Variants in RNF122 observed in about 807,000 individuals in gnomAD.
RNF122 encodes ring finger protein 122.
RNF122 carries 17 observed loss-of-function variants against 24.2 expected under a neutral mutation model. The ratio of observed to expected loss-of-function variants is 0.70; its 90% CI spans 0.48 to 1.06. RNF122 has a LOEUF of 1.06. Among genes scored for constraint, RNF122 ranks in the 50% least tolerant of loss-of-function variants. RNF122 has a pLI of 0.00. For missense variants in RNF122, 168 were observed against 198.1 expected, an observed-to-expected ratio of 0.85 and a Z score of 0.91; for synonymous variants, 65 against 71.8, an observed-to-expected ratio of 0.91 and a Z score of 0.48.
intron 4 of RNF122, among the ~76,000 whole-genome samples, chr8:33,550,515 T>C (rs1448494608): frequency 6.6e-6 from 1 of 151,822 alleles, no homozygotes; most frequent in African/African-American, 2.4e-5. Context: ...AGGAAAGGAA[T>C]AGGATATGAC....
At chr8:33,561,212 T>C (rs962313365) in intron 1 of RNF122, among the ~76,000 whole-genome samples, 8 of 152,090 alleles carry the variant, frequency 5.3e-5, no homozygotes, top group African/African-American at 1.9e-4. Context: ...AGGCCTTGGG[T>C]TCTAGGCACT....
chr8:33,564,707 T>C (rs1810595117), intron 1 of RNF122, among the ~76,000 whole-genome samples: 1 of 151,986 alleles, frequency 6.6e-6, no homozygotes, highest in African/African-American at 2.4e-5. Flanking sequence ...ACCCCCTCTC[T>C]ACTAAAAATA....
chr8:33,553,377 AG>A, intron 2 of RNF122, among the ~76,000 whole-genome samples: 1 of 152,182 alleles, frequency 6.6e-6, no homozygotes, highest in East Asian at 1.9e-4. Flanking sequence ...TGGGTGACAC[AG>A]TGAGAACTTG....
chr8:33,553,684 G>A (rs532477704), intron 2 of RNF122, among the ~76,000 whole-genome samples: 1 of 152,256 alleles, frequency 6.6e-6, no homozygotes. Flanking sequence ...CCAGTGGAAG[G>A]GGGTGGGGTG....
At chr8:33,562,949 G>A (rs1342581910) in intron 1 of RNF122, among the ~76,000 whole-genome samples, 1 of 151,804 alleles carries the variant, frequency 6.6e-6, no homozygotes, top group African/African-American at 2.4e-5. Context: ...AAAAAACCTG[G>A]GCATGGTGGT....
At chr8:33,559,082 T>G (rs1346652023) in intron 1 of RNF122, among the ~76,000 whole-genome samples, 2 of 151,880 alleles carry the variant, frequency 1.3e-5, no homozygotes, top group African/African-American at 2.4e-5. Context: ...AGGCAGGTGA[T>G]CTCGAGGCCA....
intron 1 of RNF122, among the ~76,000 whole-genome samples, chr8:33,560,144 G>A (rs886552616): frequency 4.7e-4 from 72 of 151,942 alleles, no homozygotes; most frequent in African/African-American, 1.6e-3. Flanking sequence ...ACCTAGCCAG[G>A]ACCTACGTTT....
chr8:33,555,275 T>C (rs1236077330), intron 2 of RNF122, among the ~76,000 whole-genome samples: 1 of 152,134 alleles, frequency 6.6e-6, no homozygotes, highest in Non-Finnish European at 1.5e-5. Flanking sequence ...TGATCTTAGC[T>C]CACTGCAACC....
chr8:33,561,023 C>T (rs1041622215), intron 1 of RNF122, among the ~76,000 whole-genome samples: 1 of 151,962 alleles, frequency 6.6e-6, no homozygotes, highest in Non-Finnish European at 1.5e-5. Flanking sequence ...AAAGGGAGAG[C>T]TGGAATTTGC....
chr8:33,558,884 A>G (rs1424658937), intron 1 of RNF122, 113 bp from the exon 2 acceptor site: 1 of 686,984 alleles, frequency 1.5e-6, no homozygotes, highest in Non-Finnish European at 2.3e-6. Context: ...TAAGCCTCAG[A>G]TTCAGTGGCT....
At chr8:33,560,594 C>T (rs1251884673) in intron 1 of RNF122, among the ~76,000 whole-genome samples, 1 of 151,774 alleles carries the variant, frequency 6.6e-6, no homozygotes. Context: ...TCAGAGACAC[C>T]TAGAATTGTG....
chr8:33,566,499 G>A (rs572193236), intron 1 of RNF122, among the ~76,000 whole-genome samples, 200 bp downstream of exon 1: 130 of 152,298 alleles, frequency 8.5e-4, no homozygotes, highest in African/African-American at 3.0e-3. Context: ...CCCCTTCCAG[G>A]CTCTGGAGTG....
chr8:33,559,311 T>C lies in RNF122; in HGVS notation c.26-540A>G, dbSNP rs542830092. Among the ~76,000 whole-genome samples the C allele has an allele frequency of 9.1e-4, 84 of 92,478 alleles. 1 individual carries two copies. Among genetic ancestry groups the C allele is most frequent in the Non-Finnish European group, 6.3e-5 (3 of 47,890 alleles). 60.7% of individuals were successfully genotyped at this position (92,478 alleles called of 152,430 possible). A position where few individuals can be genotyped will look rare whatever the true frequency, so the allele number is the denominator to read the frequency against. The stretch of plus-strand genomic sequence containing the variant: ...ACAGCGTGAGACCCAATCTCTATTT[T>C]TAAAAATTAAAAAAAAAAAAGAATT... On this transcript the variant is annotated intron_variant, in intron 1 of 5. Coordinates refer to ENST00000256257, the MANE Select transcript of RNF122 (RefSeq NM_024787.3).
chr8:33,551,833 G>A (rs544253212), intron 2 of RNF122, among the ~76,000 whole-genome samples: 7 of 152,250 alleles, frequency 4.6e-5, no homozygotes, highest in South Asian at 2.1e-4. Context: ...TTTTCCACCC[G>A]GAGAACATAA....
chr8:33,564,336 C>T (rs192774052), intron 1 of RNF122, among the ~76,000 whole-genome samples: 38 of 152,102 alleles, frequency 2.5e-4, no homozygotes, highest in African/African-American at 8.9e-4. Context: ...CTGCTTGAGC[C>T]CAGGAGTTCA....
intron 1 of RNF122, 77 bp downstream of exon 1, chr8:33,566,622 C>T (rs1268338444): frequency 6.8e-7 from 1 of 1,461,276 alleles, no homozygotes; most frequent in Non-Finnish European, 9.4e-7. Flanking sequence ...GACCAGCGCG[C>T]TGCTGTCCGA....
chr8:33,550,282 C>G (rs573904170), intron 4 of RNF122, among the ~76,000 whole-genome samples: 3 of 152,250 alleles, frequency 2.0e-5, no homozygotes, highest in African/African-American at 7.2e-5. Context: ...ATATTAACTC[C>G]CTTGATCTCA....
intron 3 of RNF122, 72 bp from the exon 4 acceptor site, chr8:33,551,157 A>T (rs1482476096): frequency 6.4e-7 from 1 of 1,551,760 alleles, no homozygotes; most frequent in African/African-American, 1.4e-5. Context: ...GTATCAACCA[A>T]TGAAGGGAGT....
chr8:33,555,122 G>A (rs1336864405), intron 2 of RNF122, among the ~76,000 whole-genome samples: 2 of 152,200 alleles, frequency 1.3e-5, no homozygotes, highest in African/African-American at 4.8e-5. Context: ...GGAACAGGTG[G>A]TGCTCAGTAG....
Sources: allele counts gnomAD v4.1 joint callset (sites outside exome capture counted in the v4.1 genomes callset), GRCh38; gene constraint gnomAD v4.1.1; transcripts MANE v1.5; gene names NCBI Gene and HGNC (gene_info 2026-07-23, HGNC 2026-07-21).